Variants in COPG2 observed in about 807,000 individuals in gnomAD.
COPG2 encodes coatomer subunit gamma-2.
In COPG2, 37 loss-of-function variants were observed where a neutral mutation model predicts 46.3. That is an observed-to-expected ratio of 0.80 (90% CI 0.61 to 1.05). COPG2 has a LOEUF of 1.05. Among genes scored for constraint, COPG2 ranks in the 50% least tolerant of loss-of-function variants. The probability of loss-of-function intolerance (pLI) is 0.00; values close to 1 mark genes in which losing one functional copy is unlikely to be tolerated. For synonymous variants in COPG2, 159 were observed against 129.7 expected, an observed-to-expected ratio of 1.23 and a Z score of -1.53; for missense variants, 427 against 387.8, an observed-to-expected ratio of 1.10 and a Z score of -0.85.
At chr7:130,555,185 A>G in intron 12 of COPG2, 53 bp from the exon 13 acceptor site, 1 of 396,772 alleles carries the variant, frequency 2.5e-6, no homozygotes, top group Non-Finnish European at 4.4e-6. Context: ...ACTACCACCT[A>G]TAAAAAGCAA....
At chr7:130,588,038 T>A (rs553158635) in intron 9 of COPG2, among the ~76,000 whole-genome samples, 1 of 151,496 alleles carries the variant, frequency 6.6e-6, no homozygotes, top group Non-Finnish European at 1.5e-5. Flanking sequence ...AAAAAACACA[T>A]GAAAAAATGC....
intron 9 of COPG2, among the ~76,000 whole-genome samples, chr7:130,585,002 T>A (rs1408161695): frequency 6.6e-6 from 1 of 151,756 alleles, no homozygotes; most frequent in Non-Finnish European, 1.5e-5. Flanking sequence ...AAAGAGCCCA[T>A]AGCCAAAACA....
At chr7:130,610,063 G>A in intron 9 of COPG2, 1 of 518,678 alleles carries the variant, frequency 1.9e-6, no homozygotes, top group Non-Finnish European at 3.9e-6. Context: ...CTGTAAGTCA[G>A]CTTCTACTGA....
intron 5 of COPG2, among the ~76,000 whole-genome samples, chr7:130,649,063 G>T (rs994868894): frequency 6.6e-6 from 1 of 152,250 alleles, no homozygotes; most frequent in African/African-American, 2.4e-5. Flanking sequence ...CACTCCATTA[G>T]ACAAGAGGCT....
In COPG2 at chr7:130,620,026, T is replaced by A. The variant is rs367733208; in HGVS notation, c.324-2961A>T. On this transcript the variant is annotated intron_variant, in intron 5 of 23. Coordinates refer to ENST00000425248, the MANE Select transcript of COPG2 (RefSeq NM_012133.6). ...AGATGCATGTTGGTGTCAGTCATTC[T>A]GTTACAATTTTTATTGGAATACAGT... is the stretch of plus-strand genomic sequence containing the variant. Among the ~76,000 whole-genome samples the A allele has an allele frequency of 1.1e-4, 16 of 152,358 alleles. No individual in the cohort carries two copies. The South Asian group carries it at 3.3e-3, about 32-fold the overall frequency.
chr7:130,668,050 TC>T (rs1554461736), intron 1 of COPG2, among the ~76,000 whole-genome samples: 1 of 152,076 alleles, frequency 6.6e-6, no homozygotes, highest in Non-Finnish European at 1.5e-5. Context: ...CTTGGCATCT[TC>T]CCCATTTGCT....
intron 4 of COPG2, among the ~76,000 whole-genome samples, chr7:130,659,856 G>A (rs963011749): frequency 2.0e-5 from 3 of 152,278 alleles, no homozygotes; most frequent in Non-Finnish European, 4.4e-5. Flanking sequence ...AGGCTGCAGT[G>A]AGCCAAGATC....
chr7:130,627,385 T>C (rs548757876), intron 5 of COPG2, among the ~76,000 whole-genome samples: 4 of 152,222 alleles, frequency 2.6e-5, no homozygotes, highest in Admixed American at 6.5e-5. Flanking sequence ...CATCAGCTAA[T>C]AGAAAAATGC....
At chr7:130,636,537 G>GT (rs1795340336) in intron 5 of COPG2, among the ~76,000 whole-genome samples, 78 of 84,194 alleles carry the variant, frequency 9.3e-4, no homozygotes, top group African/African-American at 2.9e-3. Flanking sequence ...GATTGCAACC[G>GT]GTTTTTTTTT....
intron 9 of COPG2, among the ~76,000 whole-genome samples, chr7:130,585,053 C>T (rs1794237553): frequency 6.6e-6 from 1 of 152,018 alleles, no homozygotes; most frequent in Admixed American, 6.6e-5. Flanking sequence ...ATCACATTAC[C>T]TGATTTCAAA....
At chr7:130,569,989 T>C (rs1188287370) in intron 9 of COPG2, among the ~76,000 whole-genome samples, 1 of 152,186 alleles carries the variant, frequency 6.6e-6, no homozygotes, top group Non-Finnish European at 1.5e-5. Flanking sequence ...AAAAAAGCAT[T>C]TGACAAAATC....
chr7:130,645,326 C>T, intron 5 of COPG2: 1 of 584,764 alleles, frequency 1.7e-6, no homozygotes, highest in Non-Finnish European at 3.4e-6. Flanking sequence ...AGTAATTCTT[C>T]AGCACAGTTG....
In COPG2 at chr7:130,508,811, A is replaced by G; in HGVS notation, c.2150-152T>C. The G allele has an allele frequency of 6.5e-6, 4 of 617,496 alleles. No homozygotes were observed. The South Asian group carries it at 7.7e-5, about 12-fold the overall frequency. 38.3% of individuals were successfully genotyped at this position (617,496 alleles called of 1,614,324 possible). A position where few individuals can be genotyped will look rare whatever the true frequency, so the allele number is the denominator to read the frequency against. On this transcript the variant is annotated intron_variant, in intron 20 of 23. Coordinates refer to ENST00000425248, the MANE Select transcript of COPG2 (RefSeq NM_012133.6). ...TAGTGGTTCTCAAAAGCAGCCTACA[A>G]GCGGGTCAGGAAGGCAGTCTCACAA...
chr7:130,623,355 A>G (rs1266528845), intron 5 of COPG2, among the ~76,000 whole-genome samples: 2 of 152,202 alleles, frequency 1.3e-5, no homozygotes, highest in Non-Finnish European at 2.9e-5. Context: ...TATCTGAAAA[A>G]CATAGATCAG....
intron 20 of COPG2, among the ~76,000 whole-genome samples, chr7:130,516,497 G>C (rs1031159994): frequency 4.6e-5 from 7 of 152,194 alleles, no homozygotes; most frequent in Non-Finnish European, 1.0e-4. Flanking sequence ...ATTAGGACTT[G>C]CCAAAAGTGA....
At chr7:130,654,936 G>C (rs1356049330) in intron 4 of COPG2, among the ~76,000 whole-genome samples, 1 of 151,298 alleles carries the variant, frequency 6.6e-6, no homozygotes, top group Non-Finnish European at 1.5e-5. Context: ...TAATTTTTGG[G>C]AAGTGTATTT....
chr7:130,528,922 A>G (rs957885996), intron 20 of COPG2, among the ~76,000 whole-genome samples: 2 of 152,068 alleles, frequency 1.3e-5, no homozygotes, highest in African/African-American at 2.4e-5. Context: ...ATGACAAAGC[A>G]TAGTGTGGGT....
chr7:130,592,262 T>C (rs1481792777), intron 9 of COPG2, among the ~76,000 whole-genome samples: 19 of 152,118 alleles, frequency 1.2e-4, no homozygotes, highest in African/African-American at 4.3e-4. Context: ...ACACAAACAC[T>C]GTGGAAGGCC....
At chr7:130,581,985 T>G (rs1334698069) in intron 9 of COPG2, among the ~76,000 whole-genome samples, 7 of 152,086 alleles carry the variant, frequency 4.6e-5, no homozygotes, top group Admixed American at 3.9e-4. Flanking sequence ...TTCACAGAAT[T>G]GGAAAAAACT....
Sources: gnomAD v4.1 joint callset for allele counts (sites outside exome capture counted in the v4.1 genomes callset) on GRCh38, gnomAD v4.1.1 for gene constraint, MANE v1.5 for transcripts, NCBI Gene and HGNC (gene_info 2026-07-23, HGNC 2026-07-21) for gene names.